Variants in LPGAT1 observed in about 807,000 individuals in gnomAD.
The protein encoded by LPGAT1 is acyl-CoA:lysophosphatidylglycerol acyltransferase 1.
In LPGAT1, 11 loss-of-function variants were observed where a neutral mutation model predicts 47.5. The ratio of observed to expected loss-of-function variants is 0.23; its 90% confidence interval spans 0.15 to 0.38. The LOEUF is 0.38. LPGAT1 is among the 10% of genes least tolerant of loss of function. The pLI, the probability that LPGAT1 is intolerant of heterozygous loss-of-function variation, is 1.00. For synonymous variants in LPGAT1, 138 were observed against 144.2 expected (o/e 0.96, Z 0.31); for missense variants, 293 against 439.0 (o/e 0.67, Z 2.97).
chr1:211,772,033 C>T (rs1004411498), intron 6 of LPGAT1, among the ~76,000 whole-genome samples: 1 of 152,156 alleles, frequency 6.6e-6, no homozygotes, highest in Non-Finnish European at 1.5e-5. Flanking sequence ...GCTAGGAATA[C>T]AGGCACGGGC....
chr1:211,776,607 A>G (rs915803432), intron 6 of LPGAT1, among the ~76,000 whole-genome samples: 6 of 152,198 alleles, frequency 3.9e-5, no homozygotes. Flanking sequence ...TAAATTCTCA[A>G]GAATGAGGGC....
chr1:211,811,834 T>C lies in LPGAT1; in HGVS notation c.238+17225A>G, dbSNP rs61828492. 8.8e-3 allele frequency among the ~76,000 whole-genome samples: 661 copies of C among 74,780 alleles called. 18 individuals carry two copies. Among genetic ancestry groups the C allele is most frequent in the South Asian group, 0.028 (62 of 2,214 alleles). The allele number at this position is 74,780 out of a possible 152,430, so 49.1% of individuals were successfully genotyped here. ...TCCCGCCACTGCACTCCAGCCTGGG[T>C]GACAGAGTGAGACTCTGCCTAAAAA... On this transcript the variant is annotated intron_variant, in intron 2 of 7. Transcript: ENST00000366997.
At chr1:211,760,506 A>C (rs1018456096) in intron 6 of LPGAT1, among the ~76,000 whole-genome samples, 1 of 152,138 alleles carries the variant, frequency 6.6e-6, no homozygotes, top group Admixed American at 6.6e-5. Flanking sequence ...TCATTTCAAC[A>C]TTAATCTTCA....
intron 6 of LPGAT1, among the ~76,000 whole-genome samples, chr1:211,772,467 C>T (rs972112588): frequency 6.6e-6 from 1 of 152,082 alleles, no homozygotes; most frequent in Non-Finnish European, 1.5e-5. Flanking sequence ...AAAACCATCC[C>T]GAATTCTGTT....
intron 7 of LPGAT1, 70 bp from the exon 8 acceptor site, chr1:211,750,120 A>G: frequency 7.3e-7 from 1 of 1,361,324 alleles, no homozygotes; most frequent in Non-Finnish European, 1.0e-6. Flanking sequence ...AAAGTTGAAT[A>G]TTAGCTTAAC....
intron 6 of LPGAT1, among the ~76,000 whole-genome samples, chr1:211,763,172 G>A (rs1657772544): frequency 6.6e-6 from 1 of 152,222 alleles, no homozygotes; most frequent in African/African-American, 2.4e-5. Flanking sequence ...TGGTTTGAAT[G>A]TGTTTGTCTC....
At chr1:211,780,045 T>C (rs535524044) in intron 5 of LPGAT1, among the ~76,000 whole-genome samples, 1 of 151,246 alleles carries the variant, frequency 6.6e-6, no homozygotes, top group Admixed American at 6.6e-5. Flanking sequence ...GGCATGGTAG[T>C]GCACGCTTGT....
At chr1:211,776,789 C>T (rs979549830) in intron 6 of LPGAT1, among the ~76,000 whole-genome samples, 1 of 151,598 alleles carries the variant, frequency 6.6e-6, no homozygotes, top group Non-Finnish European at 1.5e-5. Context: ...TTCAAATCTC[C>T]CCATAGGTGA....
rs921767794 is a variant in LPGAT1 at position 211,743,792 on chromosome 1, A to G, written c.*6107T>C. On this transcript the variant is annotated 3_prime_UTR_variant, in exon 8 of 8. Transcript: ENST00000366997. ...GGAAAAAGAAATTAGAATCTCACCAAAACAGCAGCCTAAATACAGATAGAA... is the reference window on the plus strand; with the variant it reads ...GGAAAAAGAAATTAGAATCTCACCAGAACAGCAGCCTAAATACAGATAGAA... 7.9e-5 allele frequency: 12 copies of G among 152,202 alleles called. No homozygotes were observed. Among genetic ancestry groups the G allele is most frequent in the African/African-American group, 2.4e-4 (10 of 41,444 alleles). The allele number at this position is 152,202 out of a possible 1,614,324, so 9.4% of individuals were successfully genotyped here. A position where few individuals can be genotyped will look rare whatever the true frequency, so the allele number is the denominator to read the frequency against.
chr1:211,761,709 T>C (rs1657705401), intron 6 of LPGAT1, among the ~76,000 whole-genome samples: 1 of 152,250 alleles, frequency 6.6e-6, no homozygotes, highest in Non-Finnish European at 1.5e-5. Context: ...TTAGCTTGGC[T>C]TTTAAGGTAT....
intron 2 of LPGAT1, among the ~76,000 whole-genome samples, chr1:211,814,892 C>T (rs1660115643): frequency 6.6e-6 from 1 of 152,188 alleles, no homozygotes; most frequent in African/African-American, 2.4e-5. Flanking sequence ...AAAGATATGT[C>T]AGCTCTCATC....
rs1262163805 is a variant in LPGAT1, at chr1:211,830,475, G to A, written c.-28+98C>T. 1.7e-6 allele frequency: 2 copies of A among 1,184,950 alleles called. No individual in the cohort carries two copies. Among genetic ancestry groups the A allele is most frequent in the East Asian group, 3.5e-5 (1 of 28,190 alleles). 73.4% of individuals were successfully genotyped at this position (1,184,950 alleles called of 1,614,324 possible). A position where few individuals can be genotyped will look rare whatever the true frequency, so the allele number is the denominator to read the frequency against. Reference sequence around the variant, plus strand: ...CCTCAGGCCGCTGCCGCCTCCCCGGGCCACGCGACGACGACACCCCCTTCC... The same window carrying A: ...CCTCAGGCCGCTGCCGCCTCCCCGGACCACGCGACGACGACACCCCCTTCC... On this transcript the variant is annotated intron_variant, in intron 1 of 7. Transcript: ENST00000366997. The surrounding 1 kb of genome is among the most constrained non-coding windows in gnomAD (Gnocchi z 5.9).
intron 2 of LPGAT1, among the ~76,000 whole-genome samples, chr1:211,807,332 T>C (rs1427550595): frequency 2.6e-5 from 4 of 152,120 alleles, no homozygotes; most frequent in Admixed American, 2.6e-4. Flanking sequence ...AAAATGTCTA[T>C]TCACCCACAA....
rs1350796171 is a variant in LPGAT1, at chr1:211,743,589, A to C, written c.*6310T>G. 2 of 152,218 alleles carry C rather than the reference A, an allele frequency of 1.3e-5. No homozygotes were observed. The highest frequency in any genetic ancestry group is 4.8e-5 in the African/African-American group (2 of 41,458). The allele number at this position is 152,218 out of a possible 1,614,324, so 9.4% of individuals were successfully genotyped here. Reference sequence around the variant, plus strand: ...TTTAAAAATACATTTGTTCAGCAGGAAAAAACATTTTAAAAACAAGCATTT... The same window carrying C: ...TTTAAAAATACATTTGTTCAGCAGGCAAAAACATTTTAAAAACAAGCATTT... On this transcript the variant is annotated 3_prime_UTR_variant, in exon 8 of 8. Transcript: ENST00000366997.
intron 6 of LPGAT1, among the ~76,000 whole-genome samples, chr1:211,763,239 A>G (rs1485120381): frequency 5.9e-5 from 9 of 152,220 alleles, no homozygotes; most frequent in Admixed American, 5.9e-4. Context: ...GAGGCCTTTA[A>G]AAGGTGATTT....
intron 6 of LPGAT1, among the ~76,000 whole-genome samples, chr1:211,769,929 C>T (rs894922940): frequency 6.6e-6 from 1 of 152,162 alleles, no homozygotes; most frequent in Non-Finnish European, 1.5e-5. Context: ...CAGTAGGTCT[C>T]AGCCTTATTC....
chr1:211,787,692 A>C lies in LPGAT1; in HGVS notation c.393T>G (p.Ile131Met). The change falls in exon 4 of 8, where the codon ATT (isoleucine) becomes ATG (methionine). Residue 131 changes from isoleucine (I) to methionine (M), a missense_variant. Coordinates refer to ENST00000366997, the MANE Select transcript of LPGAT1 (RefSeq NM_014873.3). Reference sequence around the variant, plus strand: ...CAATTCCAAAGTTTGTGTACTTAAAAATATGATCCATCAACCACATCATCT... The same window carrying C: ...CAATTCCAAAGTTTGTGTACTTAAACATATGATCCATCAACCACATCATCT... ...VAQMMWLMDH[I>M]FKYTNFGIVS... The C allele has an allele frequency of 1.2e-6, 2 of 1,609,330 alleles. No individual in the cohort carries two copies. The highest frequency in any genetic ancestry group is 1.7e-6 in the Non-Finnish European group (2 of 1,177,626).
At chr1:211,765,252 T>C (rs1657860029) in intron 6 of LPGAT1, among the ~76,000 whole-genome samples, 1 of 152,234 alleles carries the variant, frequency 6.6e-6, no homozygotes, top group South Asian at 2.1e-4. Flanking sequence ...TTCACCCAGA[T>C]TCCCCAAATG....
intron 6 of LPGAT1, among the ~76,000 whole-genome samples, chr1:211,765,162 G>T (rs560475690): frequency 2.6e-5 from 4 of 152,078 alleles, no homozygotes; most frequent in African/African-American, 4.8e-5. Flanking sequence ...TGTGTCTAAC[G>T]ATGTTTTTAA....
Sources: gnomAD v4.1 joint callset for allele counts (sites outside exome capture counted in the v4.1 genomes callset) on GRCh38, gnomAD v4.1.1 for gene constraint, Gnocchi (gnomAD v3.1) non-coding constraint, MANE v1.5 for transcripts, NCBI Gene and HGNC (gene_info 2026-07-23, HGNC 2026-07-21) for gene names.